IQSEC1: variants seen among roughly 807,000 people sequenced by gnomAD.
The protein encoded by IQSEC1 is IQ motif and SEC7 domain-containing protein 1.
Under a neutral mutation model 91.0 loss-of-function variants are expected in IQSEC1, and 31 were observed. The ratio of observed to expected loss-of-function variants is 0.34; its 90% confidence interval spans 0.26 to 0.46. The LOEUF (loss-of-function observed/expected upper bound fraction) is 0.46, where lower values mean the gene tolerates loss of function less well. IQSEC1 is among the 20% of genes least tolerant of loss of function. The pLI is 1.00. For missense variants in IQSEC1, 1,388 were observed against 1,575.6 expected (o/e 0.88, Z 2.02); for synonymous variants, 699 against 662.6 (o/e 1.05, Z -0.84).
chr3:13,189,640 G>T (rs1350439059), intron 1 of IQSEC1, among the ~76,000 whole-genome samples: 2 of 152,166 alleles, frequency 1.3e-5, no homozygotes, highest in Non-Finnish European at 2.9e-5. Context: ...CTTCTTACTG[G>T]CATGTGCAGC....
intron 2 of IQSEC1, among the ~76,000 whole-genome samples, chr3:13,149,227 G>A (rs1450803072): frequency 6.6e-6 from 1 of 152,222 alleles, no homozygotes; most frequent in African/African-American, 2.4e-5. Flanking sequence ...GGTGGCTGCT[G>A]TTTGACCCAT....
At chr3:13,121,879 C>T (rs569853846) in intron 2 of IQSEC1, among the ~76,000 whole-genome samples, 5 of 152,332 alleles carry the variant, frequency 3.3e-5, no homozygotes, top group South Asian at 2.1e-4. Flanking sequence ...CACCGTCCTA[C>T]GGAACTGCCC....
chr3:13,268,453 A>G (rs947777576), intron 1 of IQSEC1, among the ~76,000 whole-genome samples: 3 of 152,188 alleles, frequency 2.0e-5, no homozygotes, highest in Admixed American at 6.5e-5. Context: ...TCCAGGAGAG[A>G]GCAGTGAAAA....
chr3:13,268,623 G>T (rs1695539263), intron 1 of IQSEC1, among the ~76,000 whole-genome samples: 1 of 152,148 alleles, frequency 6.6e-6, no homozygotes, highest in South Asian at 2.1e-4. Context: ...CCACCAAAAA[G>T]ATGTTTCAGG....
At chr3:13,087,474 T>G (rs1171714980) in intron 2 of IQSEC1, among the ~76,000 whole-genome samples, 2 of 152,202 alleles carry the variant, frequency 1.3e-5, no homozygotes, top group Non-Finnish European at 2.9e-5. Flanking sequence ...CAAAATGGGT[T>G]GGTAAACCTG....
intron 1 of IQSEC1, among the ~76,000 whole-genome samples, chr3:12,989,067 G>A (rs986631320): frequency 3.9e-5 from 6 of 152,248 alleles, no homozygotes; most frequent in Admixed American, 3.3e-4. Flanking sequence ...GGTCTCTTTG[G>A]AAGAGTTCTT....
intron 1 of IQSEC1, among the ~76,000 whole-genome samples, chr3:13,219,903 C>A (rs1483888251): frequency 1.3e-5 from 2 of 152,226 alleles, no homozygotes; most frequent in African/African-American, 4.8e-5. Context: ...GAGAGTTTGA[C>A]TTTGGGACTT....
Position 12,900,335 on chromosome 3 carries a change from T to C in IQSEC1, c.*648A>G, listed in dbSNP as rs1275203707. On this transcript the variant is annotated 3_prime_UTR_variant, in exon 14 of 14. Transcript: ENST00000613206. ...AGCATTTAGGGTTTGGTCTATTGTCTCACACACCCAGCTAAGGTACTGTCT... is the reference window on the plus strand; with the variant it reads ...AGCATTTAGGGTTTGGTCTATTGTCCCACACACCCAGCTAAGGTACTGTCT... The C allele has an allele frequency of 6.1e-6, 6 of 984,744 alleles. No homozygotes were observed. Among genetic ancestry groups the C allele is most frequent in the African/African-American group, 5.2e-5 (3 of 57,298 alleles). The allele number at this position is 984,744 out of a possible 1,614,324, so 61.0% of individuals were successfully genotyped here. A position where few individuals can be genotyped will look rare whatever the true frequency, so the allele number is the denominator to read the frequency against.
At chr3:13,119,323 G>A (rs1434400147) in intron 2 of IQSEC1, among the ~76,000 whole-genome samples, 1 of 152,206 alleles carries the variant, frequency 6.6e-6, no homozygotes, top group African/African-American at 2.4e-5. Context: ...GCCCAAAGCT[G>A]AAGCTTCTTC....
intron 1 of IQSEC1, among the ~76,000 whole-genome samples, chr3:13,186,452 C>A (rs1010640034): frequency 6.6e-6 from 1 of 152,146 alleles, no homozygotes; most frequent in African/African-American, 2.4e-5. Context: ...GGAAAGAAGT[C>A]GGCTGGGAGT....
chr3:13,279,893 C>T (rs1052207623), intron 1 of IQSEC1, among the ~76,000 whole-genome samples: 8 of 152,174 alleles, frequency 5.3e-5, no homozygotes, highest in African/African-American at 1.9e-4. Flanking sequence ...GCCCTTCTCA[C>T]GGTACCCCAT....
chr3:13,191,255 G>C (rs1437144750), intron 1 of IQSEC1, among the ~76,000 whole-genome samples: 1 of 152,204 alleles, frequency 6.6e-6, no homozygotes, highest in Non-Finnish European at 1.5e-5. Flanking sequence ...TCGCTGGGCT[G>C]TCCGCCCGAT....
intron 1 of IQSEC1, among the ~76,000 whole-genome samples, chr3:13,055,893 A>G (rs922417810): frequency 1.3e-5 from 2 of 152,142 alleles, no homozygotes; most frequent in African/African-American, 4.8e-5. Flanking sequence ...CATCTACTGC[A>G]GGAGTGAAGG....
At chr3:12,911,778 GAC>G in intron 9 of IQSEC1, 50 bp from the exon 10 acceptor site, 3 of 1,240,444 alleles carry the variant, frequency 2.4e-6, no homozygotes, top group Non-Finnish European at 2.4e-6. Context: ...GGGGGGCACT[GAC>G]TATGTGGGAC....
intron 1 of IQSEC1, among the ~76,000 whole-genome samples, chr3:13,250,446 T>G (rs1576310546): frequency 3.0e-5 from 4 of 132,536 alleles, no homozygotes; most frequent in Admixed American, 7.8e-5. Flanking sequence ...TGAGACAGAG[T>G]CTTGCTCTGT....
chr3:13,038,220 A>G, intron 1 of IQSEC1, among the ~76,000 whole-genome samples: 1 of 144,766 alleles, frequency 6.9e-6, no homozygotes, highest in South Asian at 2.1e-4. Flanking sequence ...AGAAATATAT[A>G]AGGATATATA....
intron 1 of IQSEC1, among the ~76,000 whole-genome samples, chr3:13,000,665 A>G (rs1344948888): frequency 6.6e-6 from 1 of 152,206 alleles, no homozygotes; most frequent in Non-Finnish European, 1.5e-5. Context: ...AGCAGAGGGA[A>G]GGCTGAAGCC....
intron 1 of IQSEC1, among the ~76,000 whole-genome samples, chr3:12,946,853 C>G (rs1430561342): frequency 2.0e-5 from 3 of 152,212 alleles, no homozygotes; most frequent in African/African-American, 4.8e-5. Flanking sequence ...CACAGACAGT[C>G]CAGAGCCTGA....
intron 1 of IQSEC1, among the ~76,000 whole-genome samples, chr3:13,050,385 A>G (rs1704652501): frequency 6.6e-6 from 1 of 151,446 alleles, no homozygotes; most frequent in African/African-American, 2.4e-5. Flanking sequence ...TTTGGAACCA[A>G]CCCCAACTTG....
Sources: allele counts gnomAD v4.1 joint callset (sites outside exome capture counted in the v4.1 genomes callset), GRCh38; gene constraint gnomAD v4.1.1; transcripts MANE v1.5; gene names NCBI Gene and HGNC (gene_info 2026-07-23, HGNC 2026-07-21).